Variants in PAPPA2 observed in about 807,000 individuals in gnomAD.
PAPPA2 encodes the protein pappalysin 2.
A neutral mutation model predicts 176.4 loss-of-function variants in PAPPA2; 86 were observed. The ratio of observed to expected loss-of-function variants is 0.49; its 90% CI spans 0.41 to 0.58. The LOEUF (loss-of-function observed/expected upper bound fraction) is 0.58. Ranked by LOEUF, PAPPA2 falls within the 20% of genes least tolerant of loss-of-function variation. PAPPA2 has a pLI of 0.00. For synonymous variants in PAPPA2, 809 were observed against 852.2 expected, an observed-to-expected ratio of 0.95 and a Z score of 0.88; for missense variants, 2,073 against 2,256.9, an observed-to-expected ratio of 0.92 and a Z score of 1.65.
intron 15 of PAPPA2, among the ~76,000 whole-genome samples, chr1:176,769,264 G>A (rs1023423251): frequency 2.6e-5 from 4 of 152,150 alleles, no homozygotes; most frequent in Non-Finnish European, 5.9e-5. Flanking sequence ...ACAAGTCAGA[G>A]GCATGAAACC....
chr1:176,711,892 C>T lies in PAPPA2; in HGVS notation c.3709C>T (p.Pro1237Ser). ...PNHRPLTGWFPCVASENETQD... is the reference protein window; with the variant it reads ...PNHRPLTGWFSCVASENETQD... The stretch of plus-strand genomic sequence containing the variant: ...CCACCGTCCCCTAACTGGCTGGTTT[C>T]CCTGTGTTGCCAGTGAAAATGAAAC... The change falls in exon 12 of 23, where the codon CCC becomes TCC. Residue 1237 changes from proline to serine, a missense_variant. This residue lies in a region of PAPPA2 where 846 missense variants were observed against 857.9 expected (regional missense o/e 0.99). Transcript: ENST00000367662. The T allele has an allele frequency of 1.2e-6, 2 of 1,613,460 alleles. No individual in the cohort carries two copies. The highest frequency in any genetic ancestry group is 1.7e-6 in the Non-Finnish European group (2 of 1,179,466).
chr1:176,661,732 A>G (rs1471693309), intron 3 of PAPPA2, among the ~76,000 whole-genome samples: 1 of 151,910 alleles, frequency 6.6e-6, no homozygotes, highest in Non-Finnish European at 1.5e-5. Flanking sequence ...GTAGACTGTA[A>G]ATCTCATCCA....
intron 21 of PAPPA2, 139 bp downstream of exon 21, chr1:176,800,271 T>A: frequency 1.3e-6 from 1 of 772,894 alleles, no homozygotes; most frequent in Non-Finnish European, 2.0e-6. Context: ...ATTAAGTTGG[T>A]TCCACGATCT....
intron 1 of PAPPA2, among the ~76,000 whole-genome samples, chr1:176,515,677 G>A (rs2102529832): frequency 1.3e-5 from 2 of 152,208 alleles, no homozygotes; most frequent in South Asian, 4.1e-4. Context: ...CACTGGGCGA[G>A]GCTGGCTTTG....
chr1:176,741,339 C>T (rs766095365), intron 14 of PAPPA2, among the ~76,000 whole-genome samples: 13 of 152,246 alleles, frequency 8.5e-5, no homozygotes, highest in Non-Finnish European at 1.3e-4. Context: ...CAAGCTCACT[C>T]ATAAGTGCTG....
At chr1:176,567,118 A>G (rs1652030974) in intron 2 of PAPPA2, among the ~76,000 whole-genome samples, 2 of 152,202 alleles carry the variant, frequency 1.3e-5, no homozygotes, top group South Asian at 4.1e-4. Context: ...CCAAAAAATA[A>G]CAGCATCGTT....
At chr1:176,638,939 C>CGTGTGTGTGTGTGTGT (rs34264749) in intron 3 of PAPPA2, among the ~76,000 whole-genome samples, 2 of 143,028 alleles carry the variant, frequency 1.4e-5, no homozygotes, top group East Asian at 4.3e-4. Context: ...TGTGCATGTG[C>CGTGTGTGTGTGTGTGT]GTGTGTGTGT....
intron 12 of PAPPA2, among the ~76,000 whole-genome samples, chr1:176,720,826 G>A (rs1213931538): frequency 6.6e-6 from 1 of 152,176 alleles, no homozygotes; most frequent in Non-Finnish European, 1.5e-5. Flanking sequence ...AATTCTGTCT[G>A]AGGCCAAAGG....
chr1:176,664,375 C>A (rs919590493), intron 3 of PAPPA2, among the ~76,000 whole-genome samples: 1 of 152,178 alleles, frequency 6.6e-6, no homozygotes, highest in Admixed American at 6.5e-5. Context: ...GCCCCTTCCT[C>A]CTTCTTCAAA....
At chr1:176,598,621 CA>C (rs1293189210) in intron 3 of PAPPA2, among the ~76,000 whole-genome samples, 2 of 151,880 alleles carry the variant, frequency 1.3e-5, no homozygotes, top group Non-Finnish European at 2.9e-5. Context: ...TGATTGTTTT[CA>C]AATGCTTTAT....
At chr1:176,651,191 C>A (rs1437321938) in intron 3 of PAPPA2, among the ~76,000 whole-genome samples, 1 of 151,470 alleles carries the variant, frequency 6.6e-6, no homozygotes, top group East Asian at 1.9e-4. Context: ...TTAATGTATT[C>A]TGCATTTTTC....
At chr1:176,784,759 G>A (rs1664859224) in intron 17 of PAPPA2, among the ~76,000 whole-genome samples, 2 of 151,976 alleles carry the variant, frequency 1.3e-5, no homozygotes, top group African/African-American at 4.8e-5. Flanking sequence ...GCTAATTTTT[G>A]TATTTTTAGT....
At chr1:176,464,411 G>A (rs573201655) in intron 1 of PAPPA2, among the ~76,000 whole-genome samples, 30 of 152,230 alleles carry the variant, frequency 2.0e-4, no homozygotes, top group African/African-American at 6.7e-4. Context: ...CACTTCATGG[G>A]TGTGGGATCT....
chr1:176,560,449 G>A (rs991394796), intron 2 of PAPPA2, among the ~76,000 whole-genome samples: 9 of 152,228 alleles, frequency 5.9e-5, no homozygotes, highest in Non-Finnish European at 1.2e-4. Context: ...GTCCCTGCAA[G>A]GTAGATCTTC....
chr1:176,763,105 T>G (rs1229279480), intron 14 of PAPPA2, among the ~76,000 whole-genome samples: 1 of 152,212 alleles, frequency 6.6e-6, no homozygotes, highest in Non-Finnish European at 1.5e-5. Flanking sequence ...AGGTAGTATG[T>G]GCATATTCAA....
intron 15 of PAPPA2, among the ~76,000 whole-genome samples, chr1:176,767,244 A>T (rs1385360558): frequency 1.3e-5 from 2 of 152,248 alleles, no homozygotes; most frequent in African/African-American, 4.8e-5. Flanking sequence ...AAAAGACAAC[A>T]TGTATAATGC....
chr1:176,619,504 T>A (rs1009927807), intron 3 of PAPPA2, among the ~76,000 whole-genome samples: 1 of 152,200 alleles, frequency 6.6e-6, no homozygotes, highest in Non-Finnish European at 1.5e-5. Context: ...TGATTAACAA[T>A]GTCTACTATG....
At chr1:176,572,576 G>A (rs1652415183) in intron 2 of PAPPA2, among the ~76,000 whole-genome samples, 1 of 152,168 alleles carries the variant, frequency 6.6e-6, no homozygotes, top group Admixed American at 6.5e-5. Context: ...TTGATTCTTA[G>A]AAAGCAGTCA....
intron 17 of PAPPA2, among the ~76,000 whole-genome samples, chr1:176,772,223 T>C (rs1330677744): frequency 6.6e-6 from 1 of 152,218 alleles, no homozygotes; most frequent in East Asian, 1.9e-4. Context: ...TAGGAAATAG[T>C]AGCTATTCTT....
Sources: allele counts gnomAD v4.1 joint callset (sites outside exome capture counted in the v4.1 genomes callset), GRCh38; gene constraint gnomAD v4.1.1; regional missense constraint gnomAD v4.1.1; transcripts MANE v1.5; gene names NCBI Gene and HGNC (gene_info 2026-07-23, HGNC 2026-07-21).